The following MED13L variants were observed in gnomAD, a reference collection of about 807,000 sequenced individuals.
The protein encoded by MED13L is mediator of RNA polymerase II transcription subunit 13-like.
Under a neutral mutation model 220.9 loss-of-function variants are expected in MED13L, and 7 were observed. The ratio of observed to expected loss-of-function variants is 0.03; its 90% CI spans 0.02 to 0.06. MED13L has a LOEUF of 0.06. Ranked by LOEUF, MED13L falls within the 10% of genes least tolerant of loss-of-function variation. The probability of loss-of-function intolerance (pLI) is 1.00; values close to 1 mark genes in which losing one functional copy is unlikely to be tolerated. For synonymous variants in MED13L, 1,011 were observed against 1,015.2 expected (o/e 1.00, Z 0.08); for missense variants, 1,965 against 2,760.5 (o/e 0.71, Z 6.46).
chr12:116,192,490 A>G (rs576826758), intron 2 of MED13L, among the ~76,000 whole-genome samples: 1 of 152,320 alleles, frequency 6.6e-6, no homozygotes, highest in African/African-American at 2.4e-5. Context: ...CTCAGTTAAC[A>G]ATATATACTT....
At chr12:116,227,857 C>CGAAA (rs1195360621) in intron 2 of MED13L, among the ~76,000 whole-genome samples, 2 of 151,896 alleles carry the variant, frequency 1.3e-5, no homozygotes, top group Non-Finnish European at 2.9e-5. Flanking sequence ...GAAGTCATGT[C>CGAAA]GAAAGCCAAG....
intron 30 of MED13L, among the ~76,000 whole-genome samples, chr12:115,963,005 A>G (rs1875875694): frequency 1.3e-5 from 2 of 152,196 alleles, no homozygotes. Flanking sequence ...TGGGTGACAG[A>G]GCGAGACTCC....
intron 2 of MED13L, among the ~76,000 whole-genome samples, chr12:116,212,514 C>T (rs1006876974): frequency 3.3e-5 from 5 of 152,146 alleles, no homozygotes; most frequent in African/African-American, 9.7e-5. Flanking sequence ...CAACCCCCTT[C>T]TACTAGGAAG....
rs534169995 is a variant in MED13L, at chr12:116,076,106, G to A, written c.479+20563C>T. The stretch of plus-strand genomic sequence containing the variant: ...TTTTTTGTATTTTTAGTAGAGACGG[G>A]GTTTCACCGTGTTAGCCAGGATGGT... On this transcript the variant is annotated intron_variant, in intron 4 of 30. Transcript: ENST00000281928. 3.9e-5 allele frequency among the ~76,000 whole-genome samples: 6 copies of A among 151,990 alleles called. No homozygotes were observed. In the South Asian group the frequency reaches 1.2e-3, roughly 32 times the overall value.
At chr12:116,203,100 A>G (rs999312634) in intron 2 of MED13L, among the ~76,000 whole-genome samples, 103 of 152,222 alleles carry the variant, frequency 6.8e-4, no homozygotes, top group Non-Finnish European at 1.8e-4. Context: ...AAATTAAATC[A>G]GCGTTCTTCA....
intron 2 of MED13L, among the ~76,000 whole-genome samples, chr12:116,180,209 C>A (rs1565915625): frequency 6.6e-6 from 1 of 152,140 alleles, no homozygotes; most frequent in Non-Finnish European, 1.5e-5. Context: ...ACAGACAGCT[C>A]CACAAACAAC....
chr12:116,030,543 T>C (rs1880677973), intron 4 of MED13L, among the ~76,000 whole-genome samples: 1 of 152,028 alleles, frequency 6.6e-6, no homozygotes, highest in Non-Finnish European at 1.5e-5. Flanking sequence ...AACAAAAATA[T>C]GTATTATTAA....
Position 116,008,804 on chromosome 12 carries a change from T to C in MED13L, c.1609A>G (p.Ser537Gly), listed in dbSNP as rs1332032276. The change falls in exon 10 of 31, where the codon AGC (serine) becomes GGC (glycine). Residue 537 changes from serine to glycine, a missense_variant. Ser to Gly is a moderately conservative substitution (Grantham distance 56). Transcript: ENST00000281928. ...KQMAVPSRNT[S>G]KQMNLNPMDS... is the part of the protein sequence containing the mutation. The stretch of plus-strand genomic sequence containing the variant: ...ATAGGATTCAGATTCATTTGCTTGC[T>C]TGTATTTCTGGAAGGCACGGCCATT... The C allele has an allele frequency of 6.2e-7, 1 of 1,613,944 alleles. No homozygotes were observed. The highest frequency in any genetic ancestry group is 8.5e-7 in the Non-Finnish European group (1 of 1,180,008).
At chr12:116,052,278 C>G (rs774030932) in intron 4 of MED13L, among the ~76,000 whole-genome samples, 1 of 152,076 alleles carries the variant, frequency 6.6e-6, no homozygotes, top group Non-Finnish European at 1.5e-5. Flanking sequence ...GATAGAGAAA[C>G]AGAAAGGTCA....
At chr12:116,227,599 G>A (rs1033536817) in intron 2 of MED13L, among the ~76,000 whole-genome samples, 1 of 151,934 alleles carries the variant, frequency 6.6e-6, no homozygotes. Context: ...TATTGTTCAG[G>A]GGCACCACAA....
At chr12:116,104,946 T>C (rs1188218106) in intron 3 of MED13L, among the ~76,000 whole-genome samples, 1 of 152,132 alleles carries the variant, frequency 6.6e-6, no homozygotes, top group African/African-American at 2.4e-5. Flanking sequence ...CTCTTTTAAG[T>C]TTTTGAACTG....
intron 2 of MED13L, among the ~76,000 whole-genome samples, chr12:116,200,079 C>CA (rs36110388): frequency 1.0e-3 from 118 of 116,808 alleles, no homozygotes; most frequent in South Asian, 2.2e-3. Context: ...GGATGCTTTT[C>CA]AAAAAAAAAA....
At chr12:116,132,268 A>G (rs939238503) in intron 2 of MED13L, among the ~76,000 whole-genome samples, 3 of 147,456 alleles carry the variant, frequency 2.0e-5, no homozygotes, top group African/African-American at 7.6e-5. Context: ...CAAGAGAGCA[A>G]TACTTCGTCT....
At chr12:116,009,463 A>G (rs1879261915) in intron 9 of MED13L, among the ~76,000 whole-genome samples, 1 of 152,140 alleles carries the variant, frequency 6.6e-6, no homozygotes, top group Admixed American at 6.5e-5. Context: ...TAAAACCATG[A>G]GAGTAGAGTC....
At chr12:116,098,839 C>A (rs1383579898) in intron 3 of MED13L, among the ~76,000 whole-genome samples, 1 of 152,104 alleles carries the variant, frequency 6.6e-6, no homozygotes, top group Non-Finnish European at 1.5e-5. Flanking sequence ...GGAAATATGG[C>A]ACACCCACCC....
In MED13L at chr12:116,055,786, G is replaced by A. The variant is rs537218885; in HGVS notation, c.480-33185C>T. On this transcript the variant is annotated intron_variant, in intron 4 of 30. Coordinates refer to ENST00000281928, the MANE Select transcript of MED13L (RefSeq NM_015335.5). ...GCGGGTGCCTGTAATCCCAGCTACT[G>A]GGGAGGCTGGAGGCACGAGAATCGC... Among the ~76,000 whole-genome samples the A allele has an allele frequency of 3.9e-5, 6 of 152,112 alleles. No homozygotes were observed. In the South Asian group the frequency reaches 1.2e-3, roughly 32 times the overall value.
At chr12:116,126,257 G>GTT (rs1875577317) in intron 2 of MED13L, among the ~76,000 whole-genome samples, 1 of 152,198 alleles carries the variant, frequency 6.6e-6, no homozygotes, top group Admixed American at 6.5e-5. Context: ...ATAAAGGTCA[G>GTT]TTATTTACAG....
At chr12:116,068,654 C>A (rs1430391429) in intron 4 of MED13L, among the ~76,000 whole-genome samples, 2 of 152,138 alleles carry the variant, frequency 1.3e-5, no homozygotes, top group African/African-American at 4.8e-5. Context: ...AATCTGAATT[C>A]CATCTACTAA....
intron 1 of MED13L, among the ~76,000 whole-genome samples, chr12:116,258,060 T>C (rs974903969): frequency 2.6e-5 from 4 of 152,190 alleles, no homozygotes; most frequent in African/African-American, 9.7e-5. Context: ...CTAAATTATA[T>C]GGTCTACACT....
Sources: allele counts gnomAD v4.1 joint callset (sites outside exome capture counted in the v4.1 genomes callset), GRCh38; gene constraint gnomAD v4.1.1; transcripts MANE v1.5; gene names NCBI Gene and HGNC (gene_info 2026-07-23, HGNC 2026-07-21).